The following ZNF69 variants were observed in gnomAD, a reference collection of about 807,000 sequenced individuals.
ZNF69 encodes the protein zinc finger protein 69.
In ZNF69, 47 loss-of-function variants were observed where a neutral mutation model predicts 50.9. The ratio of observed to expected loss-of-function variants is 0.92; its 90% CI spans 0.73 to 1.18. ZNF69 has a LOEUF of 1.18. Among genes scored for constraint, ZNF69 ranks in the 50% most tolerant of loss-of-function variants. ZNF69 has a pLI of 0.00. For synonymous variants in ZNF69, 216 were observed against 223.1 expected, an observed-to-expected ratio of 0.97 and a Z score of 0.29; for missense variants, 717 against 675.1, an observed-to-expected ratio of 1.06 and a Z score of -0.69.
At chr19:11,903,110 C>T (rs991620785) in intron 1 of ZNF69, among the ~76,000 whole-genome samples, 7 of 152,124 alleles carry the variant, frequency 4.6e-5, no homozygotes, top group African/African-American at 1.7e-4. Context: ...ACACTCCAGC[C>T]TGGGTAACAG....
chr19:11,909,048 A>G (rs1972420071), downstream of ZNF69, among the ~76,000 whole-genome samples: 1 of 152,256 alleles, frequency 6.6e-6, no homozygotes, highest in South Asian at 2.1e-4. Context: ...AAATACCTCT[A>G]TGGAAATAAA....
At chr19:11,889,752 G>A (rs969624642) in intron 1 of ZNF69, among the ~76,000 whole-genome samples, 2 of 152,272 alleles carry the variant, frequency 1.3e-5, no homozygotes, top group South Asian at 2.1e-4. Context: ...CTCAACATGC[G>A]AGGACCTGCA....
At chr19:11,950,345 C>A in the ZNF69 span, 2 of 1,292,970 alleles carry the variant, frequency 1.5e-6, no homozygotes, top group Non-Finnish European at 2.2e-6. Flanking sequence ...TTTTCCAGTT[C>A]TTTTCGATAT....
chr19:11,924,980 G>A, the ZNF69 span: 3 of 465,550 alleles, frequency 6.4e-6, no homozygotes, highest in South Asian at 2.1e-5. Context: ...CTGGCTCTGC[G>A]GGGCCTGATA....
At position 11,904,823 on chromosome 19, in the gene ZNF69, T is replaced by C. The variant is rs1241880299; in HGVS notation, c.426T>C (p.Asn142=). 1.1e-5 allele frequency: 18 copies of C among 1,613,988 alleles called. No individual in the cohort carries two copies. Among genetic ancestry groups the C allele is most frequent in the Non-Finnish European group, 1.4e-5 (16 of 1,180,016 alleles). Residue 142 remains asparagine (N), a synonymous_variant, in exon 4 of 4, where the codon AAT becomes AAC. Transcript: ENST00000429654. ...GEVGLGNSSF[N]MNIRGDIGHK... ...TTGGCCTAGGTAACTCATCTTTTAA[T>C]ATGAACATCAGAGGTGACATTGGAC...
At chr19:11,925,374 G>T in the ZNF69 span, 4 of 1,549,612 alleles carry the variant, frequency 2.6e-6, no homozygotes, top group Middle Eastern at 4.8e-4. Context: ...GGGCGACTCC[G>T]GGGTCTGGGA....
chr19:11,961,901 AC>A, the ZNF69 span: 1 of 150,398 alleles, frequency 6.6e-6, no homozygotes, highest in African/African-American at 2.5e-5. Flanking sequence ...ATAGGCGTGA[AC>A]CACCACGCTT....
At chr19:11,940,226 G>A in the ZNF69 span, among the ~76,000 whole-genome samples, 8 of 152,262 alleles carry the variant, frequency 5.3e-5, no homozygotes, top group African/African-American at 1.7e-4. Flanking sequence ...CACAGTGCCC[G>A]GCCAAGATGT....
chr19:11,934,151 C>T, the ZNF69 span, among the ~76,000 whole-genome samples: 2 of 147,844 alleles, frequency 1.4e-5, no homozygotes, highest in South Asian at 2.1e-4. Context: ...AGAGAACAGC[C>T]TGGTAGATAC....
the ZNF69 span, chr19:11,977,064 T>C: frequency 6.2e-7 from 1 of 1,614,060 alleles, no homozygotes; most frequent in African/African-American, 1.3e-5. Flanking sequence ...AGGATGTTGC[T>C]GTGAACTTCA....
the ZNF69 span, among the ~76,000 whole-genome samples, chr19:11,955,013 T>C: frequency 6.7e-6 from 1 of 149,816 alleles, no homozygotes; most frequent in Admixed American, 6.6e-5. Context: ...TTTTTTTTTT[T>C]TTTTTTTTGA....
chr19:11,906,785 G>A (rs1374318192), downstream of ZNF69, among the ~76,000 whole-genome samples: 22 of 152,246 alleles, frequency 1.4e-4, no homozygotes, highest in Non-Finnish European at 3.2e-4. Flanking sequence ...CCAAAGGAAC[G>A]CAGCTCCTCG....
the ZNF69 span, chr19:11,925,125 G>C: frequency 6.5e-7 from 1 of 1,529,412 alleles, no homozygotes; most frequent in East Asian, 2.3e-5. Flanking sequence ...TCCTCGCTGC[G>C]CGGGCGGCGG....
At chr19:11,936,214 T>C in the ZNF69 span, among the ~76,000 whole-genome samples, 1 of 152,224 alleles carries the variant, frequency 6.6e-6, no homozygotes, top group African/African-American at 2.4e-5. Context: ...GTAGTGGGAT[T>C]GCTGGGTCAA....
At chr19:11,919,990 C>T in the ZNF69 span, among the ~76,000 whole-genome samples, 1 of 152,054 alleles carries the variant, frequency 6.6e-6, no homozygotes, top group African/African-American at 2.4e-5. Flanking sequence ...GGAATGTCTC[C>T]AAATCTTCTA....
intron 1 of ZNF69, among the ~76,000 whole-genome samples, chr19:11,902,694 C>G (rs531804812): frequency 6.6e-6 from 1 of 151,208 alleles, no homozygotes; most frequent in East Asian, 1.9e-4. Context: ...GGGGCTCCCC[C>G]TCCTGCTCTT....
downstream of ZNF69, among the ~76,000 whole-genome samples, chr19:11,911,142 AG>A (rs1401657410): frequency 6.6e-6 from 1 of 152,210 alleles, no homozygotes; most frequent in Non-Finnish European, 1.5e-5. Flanking sequence ...CACACCAGTT[AG>A]AATGGCAATC....
At chr19:11,954,854 T>C in the ZNF69 span, among the ~76,000 whole-genome samples, 23 of 152,186 alleles carry the variant, frequency 1.5e-4, no homozygotes, top group Non-Finnish European at 3.1e-4. Context: ...TGTTCACTTA[T>C]TGCAGCTTCA....
chr19:11,909,256 A>G (rs538714390), downstream of ZNF69, among the ~76,000 whole-genome samples: 10 of 152,304 alleles, frequency 6.6e-5, no homozygotes, highest in South Asian at 1.0e-3. Flanking sequence ...AAGAGGAGCT[A>G]GTACCATTCC....
Sources: gnomAD v4.1 joint callset for allele counts (sites outside exome capture counted in the v4.1 genomes callset) on GRCh38, gnomAD v4.1.1 for gene constraint, MANE v1.5 for transcripts, NCBI Gene and HGNC (gene_info 2026-07-23, HGNC 2026-07-21) for gene names.